Variants in ITPR1 observed in about 807,000 individuals in gnomAD.
The protein encoded by ITPR1 is inositol 1,4,5-trisphosphate receptor type 1, also known as inositol 1,4,5-trisphosphate-gated calcium channel ITPR1.
Under a neutral mutation model 318.4 loss-of-function variants are expected in ITPR1, and 96 were observed. The observed-to-expected ratio is 0.30, with a 90% CI of 0.26 to 0.36. The LOEUF (loss-of-function observed/expected upper bound fraction) is 0.36, where lower values mean the gene tolerates loss of function less well. ITPR1 is among the 10% of genes least tolerant of loss of function. The pLI is 1.00. For synonymous variants in ITPR1, 1,312 were observed against 1,289.9 expected, an observed-to-expected ratio of 1.02 and a Z score of -0.37; for missense variants, 2,440 against 3,460.2, an observed-to-expected ratio of 0.71 and a Z score of 7.40.
chr3:4,501,777 A>G (rs1047794199), intron 2 of ITPR1, among the ~76,000 whole-genome samples: 1 of 152,212 alleles, frequency 6.6e-6, no homozygotes, highest in Non-Finnish European at 1.5e-5. Flanking sequence ...TTCGCTGTTC[A>G]CATGAAGGCA....
At chr3:4,678,986 A>G (rs971887000) in intron 24 of ITPR1, among the ~76,000 whole-genome samples, 3 of 152,220 alleles carry the variant, frequency 2.0e-5, no homozygotes, top group Admixed American at 6.5e-5. Context: ...GGAGCTTAAC[A>G]TAAGAACAAG....
intron 36 of ITPR1, among the ~76,000 whole-genome samples, chr3:4,705,308 CTCACCCATTG>C: frequency 6.6e-6 from 1 of 152,248 alleles, no homozygotes; most frequent in Non-Finnish European, 1.5e-5. Flanking sequence ...CCACAAATCC[CTCACCCATTG>C]TCACCCGTTG....
intron 59 of ITPR1, 93 bp from the exon 60 acceptor site, chr3:4,817,989 A>G: frequency 9.7e-7 from 1 of 1,034,606 alleles, no homozygotes; most frequent in Non-Finnish European, 1.4e-6. Flanking sequence ...GAGTGAAACC[A>G]CAGCCCCCTT....
chr3:4,564,237 G>A (rs1316000952), intron 4 of ITPR1, among the ~76,000 whole-genome samples: 3 of 152,082 alleles, frequency 2.0e-5, no homozygotes, highest in South Asian at 2.1e-4. Context: ...CACCGCACCC[G>A]GCCGGGATTG....
intron 40 of ITPR1, among the ~76,000 whole-genome samples, chr3:4,719,861 G>A (rs578221291): frequency 1.4e-4 from 21 of 152,098 alleles, no homozygotes; most frequent in Middle Eastern, 3.4e-3. Flanking sequence ...AAGCAAAGAG[G>A]CAGGGTCTCC....
intron 4 of ITPR1, among the ~76,000 whole-genome samples, chr3:4,554,593 G>C (rs1354032094): frequency 6.6e-6 from 1 of 152,120 alleles, no homozygotes; most frequent in African/African-American, 2.4e-5. Context: ...TGGTTGGGAA[G>C]GAGTGACAGT....
intron 44 of ITPR1, among the ~76,000 whole-genome samples, chr3:4,757,342 G>A (rs2045077835): frequency 6.6e-6 from 1 of 152,130 alleles, no homozygotes; most frequent in Non-Finnish European, 1.5e-5. Context: ...GATTGTTTGG[G>A]AACCCATATT....
At chr3:4,659,805 A>G (rs1306337567) in intron 13 of ITPR1, among the ~76,000 whole-genome samples, 1 of 152,200 alleles carries the variant, frequency 6.6e-6, no homozygotes, top group Non-Finnish European at 1.5e-5. Context: ...GTTATACTGT[A>G]TTAATACAAT....
At chr3:4,593,114 A>G (rs2090518381) in intron 4 of ITPR1, among the ~76,000 whole-genome samples, 1 of 152,210 alleles carries the variant, frequency 6.6e-6, no homozygotes. Context: ...AAATCTAAAT[A>G]CATTTTCACT....
At chr3:4,743,086 G>A (rs540215528) in intron 44 of ITPR1, among the ~76,000 whole-genome samples, 2 of 152,366 alleles carry the variant, frequency 1.3e-5, no homozygotes, top group East Asian at 1.9e-4. Flanking sequence ...AAGAAAAACA[G>A]CAATCTAGTC....
intron 46 of ITPR1, among the ~76,000 whole-genome samples, chr3:4,770,123 T>A (rs1276604186): frequency 6.6e-6 from 1 of 152,106 alleles, no homozygotes; most frequent in Non-Finnish European, 1.5e-5. Flanking sequence ...TATGAGGGTA[T>A]GGAAAGGAAA....
In ITPR1 at chr3:4,673,380, A is replaced by G; in HGVS notation, c.2449A>G (p.Ile817Val). The change falls in exon 21 of 62, where the codon ATT (isoleucine) becomes GTT (valine). Residue 817 changes from isoleucine (I) to valine (V), a missense_variant. Physicochemically the swap from Ile to Val is conservative, Grantham distance 29 (BLOSUM62 3). Coordinates refer to ENST00000649015, the MANE Select transcript of ITPR1 (RefSeq NM_001378452.1). ...GTCGGAGATTCCCTCGGAGATCGCC[A>G]TTGACGAGTGAGCCTGGCACCTGAA... The part of the protein sequence containing the change: ...LWSEIPSEIA[I>V]DDYDSSGASK... 4.4e-6 allele frequency: 7 copies of G among 1,604,222 alleles called. No homozygotes were observed. Among genetic ancestry groups the G allele is most frequent in the African/African-American group, 1.3e-5 (1 of 74,856 alleles).
chr3:4,765,733 A>C (rs1356352504), intron 44 of ITPR1, among the ~76,000 whole-genome samples: 1 of 152,136 alleles, frequency 6.6e-6, no homozygotes, highest in East Asian at 1.9e-4. Flanking sequence ...TGGTGTTTGC[A>C]AAGGGGTGAA....
chr3:4,751,536 C>G lies in ITPR1; in HGVS notation c.5545-14994C>G, dbSNP rs1316431529. 5 of 152,178 alleles carry G rather than the reference C, an allele frequency of 3.3e-5. No homozygotes were observed. In the East Asian group the frequency reaches 7.7e-4, roughly 23 times the overall value. 9.4% of individuals were successfully genotyped at this position (152,178 alleles called of 1,614,324 possible). The stretch of plus-strand genomic sequence containing the variant: ...AAAAGAATATGTAGTTCCATGAGGA[C>G]AGGCTGAAAAAATTTTTAAAAAGCC... On this transcript the variant is annotated intron_variant, in intron 44 of 61. Coordinates refer to ENST00000649015, the MANE Select transcript of ITPR1 (RefSeq NM_001378452.1).
At chr3:4,809,372 G>A (rs1411257594) in intron 55 of ITPR1, among the ~76,000 whole-genome samples, 2 of 152,226 alleles carry the variant, frequency 1.3e-5, no homozygotes, top group Admixed American at 6.5e-5. Flanking sequence ...AAACATATTG[G>A]TTATGTTAAT....
At chr3:4,519,987 A>G (rs2082439634) in intron 3 of ITPR1, among the ~76,000 whole-genome samples, 1 of 152,180 alleles carries the variant, frequency 6.6e-6, no homozygotes, top group South Asian at 2.1e-4. Context: ...AAAGACAGGC[A>G]GGACTTGAGG....
At chr3:4,662,054 A>G in intron 14 of ITPR1, 28 bp from the exon 15 acceptor site, 1 of 1,601,424 alleles carries the variant, frequency 6.2e-7, no homozygotes, top group East Asian at 2.2e-5. Flanking sequence ...CCAAGAGATT[A>G]TCTCACAAGG....
intron 10 of ITPR1, chr3:4,646,070 C>A: frequency 4.2e-6 from 1 of 240,124 alleles, no homozygotes. Context: ...TTTCTCTGAG[C>A]CATCTAATCC....
intron 4 of ITPR1, among the ~76,000 whole-genome samples, chr3:4,617,988 C>CAAA (rs71053433): frequency 7.6e-6 from 1 of 131,750 alleles, no homozygotes; most frequent in Non-Finnish European, 1.7e-5. Flanking sequence ...GTGCGTATCT[C>CAAA]AAAAAAAAAA....
Sources: gnomAD v4.1 joint callset for allele counts (sites outside exome capture counted in the v4.1 genomes callset) on GRCh38, gnomAD v4.1.1 for gene constraint, MANE v1.5 for transcripts, NCBI Gene and HGNC (gene_info 2026-07-23, HGNC 2026-07-21) for gene names.